DGKI: variants seen among roughly 807,000 people sequenced by gnomAD.
DGKI encodes the protein diacylglycerol kinase iota.
DGKI carries 55 observed loss-of-function variants against 147.5 expected under a neutral mutation model. The ratio of observed to expected loss-of-function variants is 0.37; its 90% confidence interval spans 0.30 to 0.47. The LOEUF (loss-of-function observed/expected upper bound fraction) is 0.47, where lower values mean the gene tolerates loss of function less well. DGKI is among the 20% of genes least tolerant of loss of function. DGKI has a pLI of 1.00. For synonymous variants in DGKI, 469 were observed against 477.1 expected (o/e 0.98, Z 0.22); for missense variants, 1,007 against 1,323.8 (o/e 0.76, Z 3.71).
At chr7:137,585,470 G>A in intron 13 of DGKI, 124 bp from the exon 14 acceptor site, 1 of 1,195,428 alleles carries the variant, frequency 8.4e-7, no homozygotes, top group Non-Finnish European at 1.1e-6. Context: ...GGTTTGAAGA[G>A]CAAATTTTTT....
At chr7:137,724,094 T>G (rs1312214518) in intron 1 of DGKI, among the ~76,000 whole-genome samples, 2 of 152,044 alleles carry the variant, frequency 1.3e-5, no homozygotes, top group African/African-American at 4.8e-5. Context: ...GACAGTCAAT[T>G]GAATATTTGG....
intron 1 of DGKI, among the ~76,000 whole-genome samples, chr7:137,811,368 TCTCTCTCTCTCTCTCTCACACACA>T: frequency 1.0e-5 from 1 of 97,486 alleles, no homozygotes; most frequent in Non-Finnish European, 2.2e-5. Context: ...TCTCTCCCTC[TCTCTCTCTCTCTCTCTCACACACA>T]CACACACACA....
At chr7:137,748,979 T>C (rs1053145936) in intron 1 of DGKI, among the ~76,000 whole-genome samples, 12 of 152,210 alleles carry the variant, frequency 7.9e-5, no homozygotes, top group African/African-American at 2.7e-4. Context: ...TCGTGCCTTA[T>C]AGACAATAAC....
chr7:137,654,467 T>C (rs1023079971), intron 5 of DGKI, among the ~76,000 whole-genome samples: 3 of 152,226 alleles, frequency 2.0e-5, no homozygotes, highest in Admixed American at 1.3e-4. Context: ...CCTTCAATTC[T>C]ATCACTACCA....
At chr7:137,603,585 A>C (rs769868242) in intron 10 of DGKI, among the ~76,000 whole-genome samples, 209 of 152,332 alleles carry the variant, frequency 1.4e-3, no homozygotes, top group Non-Finnish European at 2.5e-3. Context: ...AAAATAAATT[A>C]ATTCACCAAA....
rs1798704367 is a variant in DGKI, at chr7:137,846,013, A to G, written c.401+449T>C. On this transcript the variant is annotated intron_variant, in intron 1 of 32. Transcript: ENST00000614521. This position sits in a 1 kb window ranked among gnomAD's most constrained non-coding sequence, Gnocchi z 4.0. ...TCAAGTTAGTGCCAAAGGTTCATCC[A>G]GCGAAATCTGGAAGGTGGGGGAAGG... is the stretch of plus-strand genomic sequence containing the variant. Among the ~76,000 whole-genome samples the G allele has an allele frequency of 6.6e-6, 1 of 152,156 alleles. No homozygotes were observed. The highest frequency in any genetic ancestry group is 1.5e-5 in the Non-Finnish European group (1 of 68,026).
chr7:137,570,420 T>C (rs1200069268), intron 19 of DGKI, among the ~76,000 whole-genome samples: 1 of 152,206 alleles, frequency 6.6e-6, no homozygotes, highest in Non-Finnish European at 1.5e-5. Context: ...ATGATGTCTT[T>C]GTATATTCAG....
At chr7:137,691,809 T>TTTTTTTGTTTTTTTG (rs1823620346) in intron 1 of DGKI, among the ~76,000 whole-genome samples, 1 of 141,012 alleles carries the variant, frequency 7.1e-6, no homozygotes, top group African/African-American at 2.8e-5. Context: ...TTTTTTTTTT[T>TTTTTTTGTTTTTTTG]TTTTTTTTTT....
intron 20 of DGKI, among the ~76,000 whole-genome samples, chr7:137,548,758 A>C (rs1585220072): frequency 6.6e-6 from 1 of 152,208 alleles, no homozygotes; most frequent in South Asian, 2.1e-4. Flanking sequence ...ACTTGAGCCC[A>C]GGACTTCGAG....
intron 14 of DGKI, among the ~76,000 whole-genome samples, chr7:137,584,735 T>C (rs1819325937): frequency 6.6e-6 from 1 of 152,096 alleles, no homozygotes; most frequent in Non-Finnish European, 1.5e-5. Context: ...AGTCAAAACA[T>C]TTATTGAGGT....
chr7:137,546,079 C>T (rs1817855015), intron 20 of DGKI: 4 of 583,620 alleles, frequency 6.9e-6, no homozygotes, highest in Admixed American at 5.1e-5. Context: ...ATTAAATGAG[C>T]GCATCACCGA....
intron 21 of DGKI, among the ~76,000 whole-genome samples, chr7:137,504,998 C>T (rs1816316376): frequency 6.6e-6 from 1 of 151,698 alleles, no homozygotes; most frequent in Admixed American, 6.6e-5. Flanking sequence ...GACTGGTATC[C>T]CATCATTCTA....
chr7:137,486,692 C>T (rs991473447), intron 22 of DGKI, among the ~76,000 whole-genome samples: 1 of 152,098 alleles, frequency 6.6e-6, no homozygotes, highest in African/African-American at 2.4e-5. Context: ...GAATTTATTT[C>T]TACCAAGAGA....
intron 3 of DGKI, among the ~76,000 whole-genome samples, chr7:137,673,128 C>T (rs530262158): frequency 1.3e-5 from 2 of 152,288 alleles, no homozygotes; most frequent in African/African-American, 4.8e-5. Flanking sequence ...TTAGGGCCCA[C>T]TCTACTCCAG....
At chr7:137,716,635 A>G (rs79787820) in intron 1 of DGKI, among the ~76,000 whole-genome samples, 35 of 152,336 alleles carry the variant, frequency 2.3e-4, no homozygotes, top group Non-Finnish European at 3.8e-4. Flanking sequence ...AGACTGAAAG[A>G]TAAACCAAGA....
intron 10 of DGKI, among the ~76,000 whole-genome samples, chr7:137,600,705 T>G (rs558122600): frequency 6.6e-6 from 1 of 152,322 alleles, no homozygotes; most frequent in Non-Finnish European, 1.5e-5. Context: ...AGTATTAATA[T>G]AATTTTATAG....
intron 23 of DGKI, among the ~76,000 whole-genome samples, chr7:137,476,648 T>G (rs1815181654): frequency 6.6e-6 from 1 of 152,246 alleles, no homozygotes; most frequent in African/African-American, 2.4e-5. Flanking sequence ...TCTATGCATG[T>G]GCAGGCTTTT....
chr7:137,697,892 T>C (rs952889501), intron 1 of DGKI, among the ~76,000 whole-genome samples: 3 of 151,932 alleles, frequency 2.0e-5, no homozygotes, highest in African/African-American at 7.2e-5. Context: ...AAACTATTAA[T>C]TAGAATTCCT....
rs202136998 is a variant in DGKI at position 137,707,939 on chromosome 7, T to TG, written c.402-17938_402-17937insC. On this transcript the variant is annotated intron_variant, in intron 1 of 32. Coordinates refer to ENST00000614521, the MANE Select transcript of DGKI (RefSeq NM_001321708.2). ...GGAATTATTTTGTTTTGTTTTGTTT[T>TG]TTGCCTCCAAATCTCCCCAAATTGT... Among the ~76,000 whole-genome samples the TG allele has an allele frequency of 7.9e-4, 120 of 152,314 alleles. 1 individual carries two copies. In the East Asian group the frequency reaches 0.021, roughly 27 times the overall value.
Sources: gnomAD v4.1 joint callset for allele counts (sites outside exome capture counted in the v4.1 genomes callset) on GRCh38, gnomAD v4.1.1 for gene constraint, Gnocchi (gnomAD v3.1) non-coding constraint, MANE v1.5 for transcripts, NCBI Gene and HGNC (gene_info 2026-07-23, HGNC 2026-07-21) for gene names.